Variants in ADAMTS4 observed in about 807,000 individuals in gnomAD.
ADAMTS4 encodes A disintegrin and metalloproteinase with thrombospondin motifs 4.
ADAMTS4 carries 38 observed loss-of-function variants against 66.7 expected under a neutral mutation model. That is an observed-to-expected ratio of 0.57 (90% CI 0.44 to 0.75). The LOEUF is 0.75. ADAMTS4 is among the 30% of genes least tolerant of loss of function. The pLI is 0.00. For missense variants in ADAMTS4, 1,014 were observed against 1,116.7 expected (o/e 0.91, Z 1.31); for synonymous variants, 418 against 461.5 (o/e 0.91, Z 1.21).
chr1:161,198,458 C>CG lies in ADAMTS4; in HGVS notation c.169dup (p.Arg57ProfsTer61), dbSNP rs1429794322. 3.8e-6 allele frequency: 6 copies of CG among 1,573,022 alleles called. No individual in the cohort carries two copies. The highest frequency in any genetic ancestry group is 4.3e-6 in the Non-Finnish European group (5 of 1,159,802). On this transcript the variant is annotated frameshift_variant, in exon 1 of 9. Coordinates refer to ENST00000367996, the MANE Select transcript of ADAMTS4 (RefSeq NM_005099.6). LOFTEE classifies it high-confidence loss of function. The surrounding 1 kb of genome is among the most constrained non-coding windows in gnomAD (Gnocchi z 4.7). ...CTCTGGAAACACGATCTCCTCCTCC[C>CG]GGGGGAGGGGGCTGGCCAGCCGGGC...
intron 1 of ADAMTS4, 109 bp from the exon 2 acceptor site, chr1:161,196,989 G>A: frequency 1.9e-6 from 2 of 1,066,238 alleles, no homozygotes; most frequent in Non-Finnish European, 2.7e-6. Context: ...ATAGTCAGCT[G>A]GGCCCCACAC....
In ADAMTS4 at chr1:161,186,828, G is replaced by C. The variant is rs535359902; in HGVS notation, c.*4310C>G. ...AGCCTGGGCAATATGATAAGACCTC[G>C]TCTCAACCAAAAAAAAAAGTAAATT... On this transcript the variant is annotated 3_prime_UTR_variant, in exon 9 of 9. Transcript: ENST00000367996. 1 of 151,472 alleles carries C rather than the reference G, an allele frequency of 6.6e-6. No homozygotes were observed. Among genetic ancestry groups the C allele is most frequent in the African/African-American group, 2.4e-5 (1 of 41,170 alleles). 9.4% of individuals were successfully genotyped at this position (151,472 alleles called of 1,614,324 possible). A position where few individuals can be genotyped will look rare whatever the true frequency, so the allele number is the denominator to read the frequency against.
At position 161,198,295 on chromosome 1, in the gene ADAMTS4, G is replaced by A. The variant is rs1664948738; in HGVS notation, c.333C>T (p.Tyr111=). The A allele has an allele frequency of 1.9e-6, 3 of 1,613,438 alleles. No individual in the cohort carries two copies. The highest frequency in any genetic ancestry group is 1.7e-5 in the Admixed American group (1 of 60,012). ...GVQVEGLTVQ[Y]LGQAPELLGG... is the part of the protein sequence containing the mutation. ...CCAGCAGCTCAGGCGCCTGGCCCAG[G>A]TACTGCACTGTCAGCCCCTCGACCT... Residue 111 remains tyrosine, a synonymous_variant, in exon 1 of 9, where the codon TAC becomes TAT. Transcript: ENST00000367996. The surrounding 1 kb of genome is among the most constrained non-coding windows in gnomAD (Gnocchi z 4.7).
rs773229113 is a variant in ADAMTS4 at position 161,184,574 on chromosome 1, T to C, written c.*6564A>G. ...GAATGTTTACAATGTTTACAACCCA[T>C]TGGCTTATTTATTGAACAAATAAAT... is the stretch of plus-strand genomic sequence containing the variant. On this transcript the variant is annotated 3_prime_UTR_variant, in exon 9 of 9. Coordinates refer to ENST00000367996, the MANE Select transcript of ADAMTS4 (RefSeq NM_005099.6). 5.3e-5 allele frequency: 8 copies of C among 152,230 alleles called. No homozygotes were observed. Among genetic ancestry groups the C allele is most frequent in the African/African-American group, 1.9e-4 (8 of 41,462 alleles). The allele number at this position is 152,230 out of a possible 1,614,324, so 9.4% of individuals were successfully genotyped here. A position where few individuals can be genotyped will look rare whatever the true frequency, so the allele number is the denominator to read the frequency against.
At chr1:161,192,824 G>C (rs1347436719) in intron 7 of ADAMTS4, among the ~76,000 whole-genome samples, 2 of 152,090 alleles carry the variant, frequency 1.3e-5, no homozygotes, top group African/African-American at 4.8e-5. Flanking sequence ...ATCTCCAGGA[G>C]GCCTGTCCAT....
At position 161,185,114 on chromosome 1, in the gene ADAMTS4, CAG is replaced by C. The variant is rs1410713723; in HGVS notation, c.*6022_*6023del. The C allele has an allele frequency of 6.6e-6, 1 of 151,588 alleles. No homozygotes were observed. Among genetic ancestry groups the C allele is most frequent in the Non-Finnish European group, 1.5e-5 (1 of 67,942 alleles). 9.4% of individuals were successfully genotyped at this position (151,588 alleles called of 1,614,324 possible). Reference sequence around the variant, plus strand: ...ATGCTAAATGATGAGTTAATGGGTGCAGCACACCAGCATGGCACATGTATACA... The same window carrying C: ...ATGCTAAATGATGAGTTAATGGGTGCCACACCAGCATGGCACATGTATACA... On this transcript the variant is annotated 3_prime_UTR_variant, in exon 9 of 9. Transcript: ENST00000367996.
At chr1:161,195,934 G>GACACACACACACACACACACACAC in intron 3 of ADAMTS4, 1 of 439,658 alleles carries the variant, frequency 2.3e-6, no homozygotes, top group Non-Finnish European at 4.0e-6. Flanking sequence ...CACACACACA[G>GACACACACACACACACACACACAC]ACACACACAC....
chr1:161,197,907 G>A, intron 1 of ADAMTS4, 88 bp downstream of exon 1: 4 of 1,500,500 alleles, frequency 2.7e-6, no homozygotes, highest in South Asian at 1.4e-5. Flanking sequence ...GGCCAGAAGT[G>A]TAAGTGGGTG....
In ADAMTS4 at chr1:161,187,887, C is replaced by T. The variant is rs1010521367; in HGVS notation, c.*3251G>A. 2 of 152,284 alleles carry T rather than the reference C, an allele frequency of 1.3e-5. No homozygotes were observed. The highest frequency in any genetic ancestry group is 4.8e-5 in the African/African-American group (2 of 41,370). The allele number at this position is 152,284 out of a possible 1,614,324, so 9.4% of individuals were successfully genotyped here. A position where few individuals can be genotyped will look rare whatever the true frequency, so the allele number is the denominator to read the frequency against. On this transcript the variant is annotated 3_prime_UTR_variant, in exon 9 of 9. Transcript: ENST00000367996. The stretch of plus-strand genomic sequence containing the variant: ...AAACTCCAAATTCTTGCAGGGTCTA[C>T]CTACCACCCTTGCCCATCCCTGTTC...
Position 161,194,000 on chromosome 1 carries a change from A to G in ADAMTS4, c.1483T>C (p.Cys495Arg), listed in dbSNP as rs1664751787. The G allele has an allele frequency of 1.9e-6, 3 of 1,612,624 alleles. No individual in the cohort carries two copies. The highest frequency in any genetic ancestry group is 1.7e-6 in the Non-Finnish European group (2 of 1,179,120). The change falls in exon 5 of 9, where the codon TGC becomes CGC. Residue 495 changes from cysteine to arginine, a missense_variant. Transcript: ENST00000367996. The surrounding 1 kb of genome is among the most constrained non-coding windows in gnomAD (Gnocchi z 4.4). ...KHSPWADGTP[C>R]GPAQACMGGR... ...CCCATGCAGGCCTGTGCGGGCCCGC[A>G]GGGTGTGCCATCGGCCCAGGGCGAG...
In ADAMTS4 at chr1:161,197,157, G is replaced by A. The variant is rs538543654; in HGVS notation, c.634-277C>T. 1.2e-5 allele frequency: 5 copies of A among 409,366 alleles called. No homozygotes were observed. In the East Asian group the frequency reaches 2.5e-4, roughly 20 times the overall value. 25.4% of individuals were successfully genotyped at this position (409,366 alleles called of 1,614,324 possible). A position where few individuals can be genotyped will look rare whatever the true frequency, so the allele number is the denominator to read the frequency against. ...TCCCAGGGCTGCGGGAGCCCCAGAG[G>A]TGAAAGCAGCCTGGACTGCCGTCAG... On this transcript the variant is annotated intron_variant, in intron 1 of 8. Transcript: ENST00000367996.
Position 161,193,376 on chromosome 1 carries a change from C to T in ADAMTS4, c.1748G>A (p.Arg583His), listed in dbSNP as rs200258484. The change falls in exon 7 of 9, where the codon CGC becomes CAC. Residue 583 changes from arginine to histidine, a missense_variant. By Grantham distance (29) the Arg-to-His change is conservative (BLOSUM62 0). Coordinates refer to ENST00000367996, the MANE Select transcript of ADAMTS4 (RefSeq NM_005099.6). This position sits in a 1 kb window ranked among gnomAD's most constrained non-coding sequence, Gnocchi z 4.4. Reference protein sequence around the residue: ...DCPTGSALTFREEQCAAYNHR... With the variant: ...DCPTGSALTFHEEQCAAYNHR... ...GTTGTAGGCAGCACACTGCTCCTCG[C>T]GGAAGGTCAGGGCTGGAGGGGTAAA... 3.8e-5 allele frequency: 61 copies of T among 1,613,594 alleles called. No individual in the cohort carries two copies. Among genetic ancestry groups the T allele is most frequent in the Middle Eastern group, 1.7e-4 (1 of 6,056 alleles).
chr1:161,198,187 TCC>T lies in ADAMTS4; in HGVS notation c.439_440del (p.Gly147SerfsTer12), dbSNP rs754309112. 5 of 1,613,794 alleles carry T rather than the reference TCC, an allele frequency of 3.1e-6. No homozygotes were observed. Among genetic ancestry groups the T allele is most frequent in the Non-Finnish European group, 4.2e-6 (5 of 1,179,960 alleles). ...ESVASLHWDG[G>X]ALLGVLQYRG... is the part of the protein sequence containing the mutation. ...GATATTGTAACACGCCTAACAGGGC[TCC>T]CCCATCCCAGTGCAGAGATGCCACC... On this transcript the variant is annotated frameshift_variant, in exon 1 of 9. Transcript: ENST00000367996. LOFTEE classifies it high-confidence loss of function. The surrounding 1 kb of genome is among the most constrained non-coding windows in gnomAD (Gnocchi z 4.7).
rs1350748581 is a variant in ADAMTS4, at chr1:161,194,124, G to A, written c.1359C>T (p.Phe453=). ...GTGGACAATGGCGTGAGTCGGGCCCGAAGGTCAGCTGGCACTGGCGGTCAG... is the reference window on the plus strand; with the variant it reads ...GTGGACAATGGCGTGAGTCGGGCCCAAAGGTCAGCTGGCACTGGCGGTCAG... ...YDADRQCQLT[F]GPDSRHCPQL... The change falls in exon 5 of 9, where the codon TTC becomes TTT. Residue 453 remains phenylalanine, a synonymous_variant. Transcript: ENST00000367996. The surrounding 1 kb of genome is among the most constrained non-coding windows in gnomAD (Gnocchi z 4.1). 12 of 1,614,118 alleles carry A rather than the reference G, an allele frequency of 7.4e-6. No individual in the cohort carries two copies. The highest frequency in any genetic ancestry group is 2.2e-5 in the East Asian group (1 of 44,898).
chr1:161,198,068 G>C lies in ADAMTS4; in HGVS notation c.560C>G (p.Ala187Gly), dbSNP rs759762977. 2 of 1,610,588 alleles carry C rather than the reference G, an allele frequency of 1.2e-6. No individual in the cohort carries two copies. The highest frequency in any genetic ancestry group is 1.7e-6 in the Non-Finnish European group (2 of 1,177,526). Residue 187 changes from alanine (A) to glycine (G), a missense_variant, in exon 1 of 9, where the codon GCC becomes GGC. Coordinates refer to ENST00000367996, the MANE Select transcript of ADAMTS4 (RefSeq NM_005099.6). The surrounding 1 kb of genome is among the most constrained non-coding windows in gnomAD (Gnocchi z 4.7). ...GAHILRRKSP[A>G]SGQGPMCNVK... Reference sequence around the variant, plus strand: ...GTTGCACATGGGACCTTGACCGCTGGCAGGACTCTTCCGGCGTAGGATGTG... The same window carrying C: ...GTTGCACATGGGACCTTGACCGCTGCCAGGACTCTTCCGGCGTAGGATGTG...
At chr1:161,197,969 AGG>A in intron 1 of ADAMTS4, 24 bp downstream of exon 1, 1 of 1,533,968 alleles carries the variant, frequency 6.5e-7, no homozygotes. Flanking sequence ...AGGACACCGC[AGG>A]ACACAGACTC....
chr1:161,197,580 C>G, intron 1 of ADAMTS4: 1 of 184,260 alleles, frequency 5.4e-6, no homozygotes. Context: ...AGACACCAAG[C>G]CCTAGGGCCT....
In ADAMTS4 at chr1:161,191,238, G is replaced by T. The variant is rs568445358; in HGVS notation, c.2414C>A (p.Pro805Gln). 49 of 1,613,298 alleles carry T rather than the reference G, an allele frequency of 3.0e-5. No individual in the cohort carries two copies. The highest frequency in any genetic ancestry group is 3.5e-5 in the Non-Finnish European group (41 of 1,179,758). ...AGTGGGGCGTGGCGTTGAAGGGGTC[G>T]GCCGGGGCACGAAGAAGCTGTATCG... is the stretch of plus-strand genomic sequence containing the variant. ...RLRYSFFVPR[P>Q]TPSTPRPTPQ... Residue 805 changes from proline to glutamine, a missense_variant, in exon 9 of 9, where the codon CCG becomes CAG. Coordinates refer to ENST00000367996, the MANE Select transcript of ADAMTS4 (RefSeq NM_005099.6).
chr1:161,192,232 A>T lies in ADAMTS4; in HGVS notation c.1920T>A (p.Asp640Glu). 1 of 1,613,324 alleles carries T rather than the reference A, an allele frequency of 6.2e-7. No individual in the cohort carries two copies. The highest frequency in any genetic ancestry group is 2.2e-5 in the East Asian group (1 of 44,814). ...YYYVLEPRVV[D>E]GTPCSPDSSS... ...AGCTGTCCGGGGAACAGGGGGTCCC[A>T]TCTACCACCTGAGGAAAAGAGAAAG... Residue 640 changes from aspartate (D) to glutamate (E), a missense_variant, in exon 8 of 9, where the codon GAT becomes GAA. Transcript: ENST00000367996.
Sources: gnomAD v4.1 joint callset for allele counts (sites outside exome capture counted in the v4.1 genomes callset) on GRCh38, gnomAD v4.1.1 for gene constraint, Gnocchi (gnomAD v3.1) non-coding constraint, MANE v1.5 for transcripts, NCBI Gene and HGNC (gene_info 2026-07-23, HGNC 2026-07-21) for gene names.